Variants in KAZN observed in about 807,000 individuals in gnomAD.
The protein encoded by KAZN is kazrin, periplakin interacting protein, also known as kazrin.
Under a neutral mutation model 87.4 loss-of-function variants are expected in KAZN, and 40 were observed. That is an observed-to-expected ratio of 0.46 (90% CI 0.36 to 0.60). KAZN has a LOEUF of 0.60. Ranked by LOEUF, KAZN falls within the 20% of genes least tolerant of loss-of-function variation. KAZN has a pLI of 0.00. For missense variants in KAZN, 898 were observed against 1,073.9 expected (o/e 0.84, Z 2.29); for synonymous variants, 466 against 458.3 (o/e 1.02, Z -0.22).
At chr1:14,273,671 G>C (rs534068938) in intron 2 of KAZN, among the ~76,000 whole-genome samples, 48 of 152,262 alleles carry the variant, frequency 3.2e-4, no homozygotes, top group African/African-American at 1.2e-3. Flanking sequence ...CCACAAAAGA[G>C]CCTTCTTAAA....
chr1:14,411,660 T>A (rs1664313194), intron 2 of KAZN, among the ~76,000 whole-genome samples: 1 of 152,090 alleles, frequency 6.6e-6, no homozygotes, highest in Non-Finnish European at 1.5e-5. Context: ...AAAAGTTACA[T>A]GCACTTCAGA....
intron 4 of KAZN, among the ~76,000 whole-genome samples, chr1:15,054,495 C>CA (rs1674728880): frequency 6.6e-6 from 1 of 151,782 alleles, no homozygotes; most frequent in African/African-American, 2.4e-5. Context: ...ACCAAAAATA[C>CA]AAAAAAATTA....
intron 1 of KAZN, among the ~76,000 whole-genome samples, chr1:14,042,184 T>A (rs188615403): frequency 1.1e-3 from 161 of 151,982 alleles, no homozygotes; most frequent in Non-Finnish European, 2.0e-3. Flanking sequence ...TTCTCTTCAG[T>A]TTTTTTTCCC....
chr1:14,065,412 T>C (rs1474495715), intron 1 of KAZN, among the ~76,000 whole-genome samples: 1 of 152,212 alleles, frequency 6.6e-6, no homozygotes, highest in Admixed American at 6.5e-5. Flanking sequence ...AAGAGGCTAA[T>C]GCATTTTGAA....
At chr1:13,997,194 AC>A (rs1486764507) in intron 1 of KAZN, among the ~76,000 whole-genome samples, 1 of 148,580 alleles carries the variant, frequency 6.7e-6, no homozygotes, top group Non-Finnish European at 1.5e-5. Flanking sequence ...AACAACAACA[AC>A]CCCCACAAAA....
chr1:15,034,987 C>T (rs1672116017), intron 3 of KAZN, 102 bp downstream of exon 3: 4 of 1,432,482 alleles, frequency 2.8e-6, no homozygotes, highest in Non-Finnish European at 9.6e-7. Flanking sequence ...AATCCCCAAA[C>T]ACAGATAGGG....
At chr1:14,026,245 C>A (rs1034909574) in intron 1 of KAZN, among the ~76,000 whole-genome samples, 1 of 152,106 alleles carries the variant, frequency 6.6e-6, no homozygotes, top group African/African-American at 2.4e-5. Flanking sequence ...TTTTGTTTCA[C>A]TGATAACTCC....
chr1:14,880,646 CTCG>C (rs1380232299), intron 1 of KAZN, among the ~76,000 whole-genome samples: 2 of 152,180 alleles, frequency 1.3e-5, no homozygotes, highest in Non-Finnish European at 2.9e-5. Flanking sequence ...GATGACTTCA[CTCG>C]TCTAAATAAG....
chr1:14,455,060 A>AG (rs61257359), intron 2 of KAZN, among the ~76,000 whole-genome samples: 68,124 of 150,848 alleles, frequency 0.45, 15,681 homozygotes, highest in Middle Eastern at 0.58. Flanking sequence ...TTCCCCAGAG[A>AG]AAGAGATCCA....
intron 2 of KAZN, among the ~76,000 whole-genome samples, chr1:14,523,439 C>T (rs1434204122): frequency 2.0e-5 from 3 of 152,188 alleles, no homozygotes; most frequent in Non-Finnish European, 4.4e-5. Context: ...GAGCTTGTGG[C>T]CTACCAGAGA....
intron 1 of KAZN, among the ~76,000 whole-genome samples, chr1:14,723,203 A>G (rs1219228922): frequency 6.6e-6 from 1 of 152,138 alleles, no homozygotes; most frequent in Non-Finnish European, 1.5e-5. Flanking sequence ...CAAGGGGTGC[A>G]TCTTCCAATG....
intron 1 of KAZN, among the ~76,000 whole-genome samples, chr1:14,694,108 C>T (rs1333556060): frequency 6.6e-6 from 1 of 152,218 alleles, no homozygotes; most frequent in East Asian, 1.9e-4. Flanking sequence ...TTATCGGACT[C>T]CCTCCAAAAG....
At chr1:14,535,671 A>T (rs968839379) in intron 2 of KAZN, among the ~76,000 whole-genome samples, 5 of 151,892 alleles carry the variant, frequency 3.3e-5, no homozygotes, top group African/African-American at 7.2e-5. Context: ...TCTCAAAAAA[A>T]AAAAATAAAA....
At chr1:14,980,634 G>A (rs1001448352) in intron 2 of KAZN, among the ~76,000 whole-genome samples, 16 of 152,166 alleles carry the variant, frequency 1.1e-4, no homozygotes, top group Admixed American at 6.5e-4. Flanking sequence ...GTTCAGCATC[G>A]TGATTTGCGA....
intron 2 of KAZN, among the ~76,000 whole-genome samples, chr1:14,222,723 G>C (rs916412759): frequency 1.3e-5 from 2 of 152,174 alleles, no homozygotes; most frequent in Non-Finnish European, 2.9e-5. Context: ...TCCCAAGAGG[G>C]ATGAATGTAA....
At chr1:14,282,224 C>A (rs578221136) in intron 2 of KAZN, among the ~76,000 whole-genome samples, 1 of 152,170 alleles carries the variant, frequency 6.6e-6, no homozygotes, top group Admixed American at 6.5e-5. Flanking sequence ...ACAGGACAGG[C>A]ACAGAATTTC....
intron 1 of KAZN, among the ~76,000 whole-genome samples, chr1:14,954,407 C>T (rs570591374): frequency 5.3e-5 from 8 of 152,244 alleles, no homozygotes; most frequent in Non-Finnish European, 1.2e-4. Flanking sequence ...AGGATGACTC[C>T]TTCCTCAGTA....
At chr1:13,962,043 C>T (rs11811031) in intron 1 of KAZN, among the ~76,000 whole-genome samples, 18,627 of 152,184 alleles carry the variant, frequency 0.12, 1,149 homozygotes, top group East Asian at 0.15. Context: ...CTAGGTGCTT[C>T]TTGCTGGCTG....
In KAZN at chr1:15,055,947, A is replaced by C. The variant is rs576847276; in HGVS notation, c.727-144A>C. On this transcript the variant is annotated intron_variant, in intron 4 of 14. Coordinates refer to ENST00000376030, the MANE Select transcript of KAZN (RefSeq NM_201628.3). Reference sequence around the variant, plus strand: ...CGGCTGCGGGGCAGGCGCTTGACTTACCAATTGACGCTCGATGCCGAGCCA... The same window carrying C: ...CGGCTGCGGGGCAGGCGCTTGACTTCCCAATTGACGCTCGATGCCGAGCCA... 7 of 766,072 alleles carry C rather than the reference A, an allele frequency of 9.1e-6. No homozygotes were observed. The East Asian group carries it at 1.6e-4, about 17-fold the overall frequency. The allele number at this position is 766,072 out of a possible 1,614,324, so 47.5% of individuals were successfully genotyped here.
Sources: allele counts gnomAD v4.1 joint callset (sites outside exome capture counted in the v4.1 genomes callset), GRCh38; gene constraint gnomAD v4.1.1; transcripts MANE v1.5; gene names NCBI Gene and HGNC (gene_info 2026-07-23, HGNC 2026-07-21).